Variants in DNAJC6 observed in about 807,000 individuals in gnomAD.
DNAJC6 encodes DnaJ heat shock protein family (Hsp40) member C6, also known as auxilin.
DNAJC6 carries 34 observed loss-of-function variants against 110.0 expected under a neutral mutation model. The observed-to-expected ratio is 0.31, with a 90% CI of 0.24 to 0.41. The LOEUF is 0.41. DNAJC6 is among the 10% of genes least tolerant of loss of function. The pLI, the probability that DNAJC6 is intolerant of heterozygous loss-of-function variation, is 1.00. For missense variants in DNAJC6, 1,031 were observed against 1,207.8 expected, an observed-to-expected ratio of 0.85 and a Z score of 2.17; for synonymous variants, 406 against 437.2, an observed-to-expected ratio of 0.93 and a Z score of 0.89.
intron 1 of DNAJC6, among the ~76,000 whole-genome samples, chr1:65,278,800 C>T (rs370284438): frequency 6.6e-6 from 1 of 152,152 alleles, no homozygotes; most frequent in African/African-American, 2.4e-5. Flanking sequence ...ATAACCAGGA[C>T]TTGTACTCAG....
At chr1:65,307,273 A>G (rs1414318947), upstream of DNAJC6, among the ~76,000 whole-genome samples, 2 of 151,848 alleles carry the variant, frequency 1.3e-5, no homozygotes, top group African/African-American at 2.4e-5. Flanking sequence ...TATGCTTCTT[A>G]TATCTTCAAT....
intron 8 of DNAJC6, among the ~76,000 whole-genome samples, chr1:65,387,829 T>C (rs1645887005): frequency 6.6e-6 from 1 of 152,172 alleles, no homozygotes; most frequent in Admixed American, 6.5e-5. Flanking sequence ...ATTGCTGAGG[T>C]TTTTAGGATT....
intron 5 of DNAJC6, 179 bp downstream of exon 5, chr1:65,379,703 G>A (rs1477623264): frequency 4.4e-6 from 4 of 900,184 alleles, no homozygotes; most frequent in Non-Finnish European, 6.6e-6. Flanking sequence ...TTGACTTAAA[G>A]CTTGACTACT....
At chr1:65,309,502 C>A, upstream of DNAJC6, 2 of 1,118,002 alleles carry the variant, frequency 1.8e-6, no homozygotes, top group Non-Finnish European at 2.2e-6. Flanking sequence ...CGCCCCCGCC[C>A]GGCCGCGTCT....
Position 65,392,601 on chromosome 1 carries a change from G to T in DNAJC6, c.1639G>T (p.Ala547Ser). 6.2e-7 allele frequency: 1 copy of T among 1,614,110 alleles called. No individual in the cohort carries two copies. The highest frequency in any genetic ancestry group is 8.5e-7 in the Non-Finnish European group (1 of 1,180,002). The change falls in exon 12 of 19, where the codon GCC becomes TCC. Residue 547 changes from alanine to serine, a missense_variant. Transcript: ENST00000371069. Reference sequence around the variant, plus strand: ...CAGCAAAAAGCAGCAGGAGCCAGCAGCCCCTCCACCCCCTGAGGATGTGGA... The same window carrying T: ...CAGCAAAAAGCAGCAGGAGCCAGCATCCCCTCCACCCCCTGAGGATGTGGA... Reference protein sequence around the residue: ...KPSKKQQEPAAPPPPEDVDLL... With the variant: ...KPSKKQQEPASPPPPEDVDLL...
At chr1:65,356,844 T>G (rs1265751531) in intron 1 of DNAJC6, among the ~76,000 whole-genome samples, 1 of 152,184 alleles carries the variant, frequency 6.6e-6, no homozygotes, top group South Asian at 2.1e-4. Flanking sequence ...GTTTCAAGTC[T>G]GAGACCTCTC....
intron 1 of DNAJC6, among the ~76,000 whole-genome samples, chr1:65,349,091 A>AATAT (rs373586825): frequency 3.5e-4 from 48 of 135,850 alleles, no homozygotes; most frequent in Middle Eastern, 4.0e-3. Flanking sequence ...TATATATGTA[A>AATAT]ATATATATAT....
At chr1:65,364,433 ACCTGGGTCTCCCCTGAGGAC>A (rs1477440671) in intron 1 of DNAJC6, among the ~76,000 whole-genome samples, 182 bp from the exon 2 acceptor site, 1 of 152,042 alleles carries the variant, frequency 6.6e-6, no homozygotes, top group East Asian at 1.9e-4. Context: ...TGAGGGACTG[ACCTGGGTCTCCCCTGAGGAC>A]CAGTAGCAAT....
At position 65,413,001 on chromosome 1, in the gene DNAJC6, C is replaced by T. The variant is rs2101647674; in HGVS notation, c.2889C>T (p.Asn963=). The part of the protein sequence containing the change: ...ELNDAWSEFE[N]QGQKPLY ...ATGATGCCTGGTCTGAATTTGAAAA[C>T]CAAGGCCAAAAGCCCTTATATTAAT... Residue 963 remains asparagine (N), a synonymous_variant, in exon 19 of 19, where the codon AAC becomes AAT. Coordinates refer to ENST00000371069, the MANE Select transcript of DNAJC6 (RefSeq NM_001256864.2). The T allele has an allele frequency of 6.2e-7, 1 of 1,614,072 alleles. No individual in the cohort carries two copies. The highest frequency in any genetic ancestry group is 8.5e-7 in the Non-Finnish European group (1 of 1,179,980).
chr1:65,318,639 G>A (rs910194387), intron 1 of DNAJC6, among the ~76,000 whole-genome samples: 5 of 152,198 alleles, frequency 3.3e-5, no homozygotes, highest in South Asian at 2.1e-4. Context: ...ACTTATAAGC[G>A]GGAGCTGAAG....
At chr1:65,300,589 T>C (rs533067767) in intron 1 of DNAJC6, among the ~76,000 whole-genome samples, 2 of 152,276 alleles carry the variant, frequency 1.3e-5, no homozygotes, top group East Asian at 1.9e-4. Context: ...GAGAGCAACA[T>C]TGAGGATCAC....
At chr1:65,384,917 G>A (rs1292045982) in intron 6 of DNAJC6, among the ~76,000 whole-genome samples, 1 of 152,176 alleles carries the variant, frequency 6.6e-6, no homozygotes, top group African/African-American at 2.4e-5. Context: ...AAACTTTAAA[G>A]AATACTTATA....
At chr1:65,384,067 T>C in intron 5 of DNAJC6, 126 bp from the exon 6 acceptor site, 1 of 1,213,616 alleles carries the variant, frequency 8.2e-7, no homozygotes, top group East Asian at 2.9e-5. Flanking sequence ...AATTTTTAAA[T>C]GAAAAGCACC....
rs1041196752 is a variant in DNAJC6, at chr1:65,408,767, A to G, written c.2618A>G (p.Asp873Gly). Residue 873 changes from aspartate to glycine, a missense_variant, in exon 17 of 19, where the codon GAT becomes GGT. Physicochemically the swap from Asp to Gly is moderately conservative, Grantham distance 94. Coordinates refer to ENST00000371069, the MANE Select transcript of DNAJC6 (RefSeq NM_001256864.2). ...AAGGAGGAAATGGCCAAGGAAATGG[A>G]TCCTGAGAAATTAAAGGTGAGTGAG... ...MRKEEMAKEM[D>G]PEKLKILEWI... 6.2e-7 allele frequency: 1 copy of G among 1,612,742 alleles called. No homozygotes were observed. The highest frequency in any genetic ancestry group is 8.5e-7 in the Non-Finnish European group (1 of 1,179,682).
chr1:65,300,043 C>CAAAAAA (rs59681451), intron 1 of DNAJC6, among the ~76,000 whole-genome samples: 1 of 112,038 alleles, frequency 8.9e-6, no homozygotes, highest in Non-Finnish European at 1.9e-5. Flanking sequence ...AACTCCATCT[C>CAAAAAA]AAAAAAAAAA....
At chr1:65,385,318 T>A (rs544863371) in intron 6 of DNAJC6, among the ~76,000 whole-genome samples, 5 of 152,364 alleles carry the variant, frequency 3.3e-5, no homozygotes, top group South Asian at 4.1e-4. Flanking sequence ...TTCATTTTTT[T>A]AAAAACTACA....
At chr1:65,377,763 T>G (rs942735205) in intron 4 of DNAJC6, among the ~76,000 whole-genome samples, 2 of 152,214 alleles carry the variant, frequency 1.3e-5, no homozygotes, top group African/African-American at 4.8e-5. Context: ...ATTTTGATTA[T>G]TTATTATCTG....
intron 13 of DNAJC6, 29 bp downstream of exon 13, chr1:65,395,061 T>G (rs372287592): frequency 3.2e-6 from 5 of 1,561,678 alleles, no homozygotes; most frequent in African/African-American, 1.4e-5. Context: ...TTGTGTTCAG[T>G]GGAACATAGT....
intron 1 of DNAJC6, among the ~76,000 whole-genome samples, chr1:65,292,220 G>T (rs1034736806): frequency 4.6e-5 from 7 of 151,266 alleles, no homozygotes; most frequent in Non-Finnish European, 7.4e-5. Flanking sequence ...GTTTCACCAT[G>T]TTGGCCAGGC....
Sources: allele counts gnomAD v4.1 joint callset (sites outside exome capture counted in the v4.1 genomes callset), GRCh38; gene constraint gnomAD v4.1.1; transcripts MANE v1.5; gene names NCBI Gene and HGNC (gene_info 2026-07-23, HGNC 2026-07-21).